The following ZNF536 variants were observed in gnomAD, a reference collection of about 807,000 sequenced individuals.
ZNF536 encodes the protein zinc finger protein 536.
In ZNF536, 13 loss-of-function variants were observed where a neutral mutation model predicts 84.5. The observed-to-expected ratio is 0.15, with a 90% CI of 0.10 to 0.24. ZNF536 has a LOEUF of 0.24. Ranked by LOEUF, ZNF536 falls within the 10% of genes least tolerant of loss-of-function variation. The probability of loss-of-function intolerance (pLI) is 1.00; values close to 1 mark genes in which losing one functional copy is unlikely to be tolerated. For missense variants in ZNF536, 1,536 were observed against 1,747.5 expected (o/e 0.88, Z 2.16); for synonymous variants, 811 against 742.5 (o/e 1.09, Z -1.50).
intron 1 of ZNF536, among the ~76,000 whole-genome samples, chr19:30,617,511 T>C (rs912372790): frequency 2.0e-5 from 3 of 151,522 alleles, no homozygotes; most frequent in East Asian, 2.0e-4. Context: ...CCACCACGCC[T>C]GGCTAATTTT....
At chr19:30,438,904 C>A (rs1441387443) in intron 1 of ZNF536, among the ~76,000 whole-genome samples, 1 of 152,064 alleles carries the variant, frequency 6.6e-6, no homozygotes, top group Non-Finnish European at 1.5e-5. Context: ...TGATCTCAAA[C>A]TCCTGGGGCT....
chr19:30,546,759 C>T (rs939426072), intron 3 of ZNF536, among the ~76,000 whole-genome samples: 1 of 152,196 alleles, frequency 6.6e-6, no homozygotes, highest in African/African-American at 2.4e-5. Flanking sequence ...TGACAGGGCA[C>T]CATTGTGAAT....
intron 3 of ZNF536, among the ~76,000 whole-genome samples, chr19:30,352,968 T>C (rs1254836987): frequency 2.0e-5 from 3 of 152,230 alleles, no homozygotes; most frequent in African/African-American, 7.2e-5. Context: ...AAGCCCAAGC[T>C]GAAGTCATAA....
At chr19:30,522,273 A>ATATATATTT (rs1342291143) in intron 2 of ZNF536, among the ~76,000 whole-genome samples, 118 of 84,762 alleles carry the variant, frequency 1.4e-3, no homozygotes, top group Non-Finnish European at 2.3e-3. Flanking sequence ...ATATATATAT[A>ATATATATTT]CATATATATA....
chr19:30,708,541 T>A (rs1050713979), intron 1 of ZNF536, among the ~76,000 whole-genome samples: 1 of 152,162 alleles, frequency 6.6e-6, no homozygotes, highest in Non-Finnish European at 1.5e-5. Context: ...GAGGACAGGC[T>A]GGCGGTGGGA....
intron 2 of ZNF536, among the ~76,000 whole-genome samples, chr19:30,344,039 G>C (rs2047649533): frequency 6.6e-6 from 1 of 151,968 alleles, no homozygotes; most frequent in African/African-American, 2.4e-5. Context: ...TGAGACCCAG[G>C]GAAGGTAGTT....
intron 1 of ZNF536, among the ~76,000 whole-genome samples, chr19:30,627,696 T>C (rs754272606): frequency 6.6e-6 from 1 of 152,146 alleles, no homozygotes; most frequent in Non-Finnish European, 1.5e-5. Context: ...CTGAAGGCTC[T>C]CATATTCTAT....
chr19:30,619,739 C>T (rs2048415622), intron 1 of ZNF536, among the ~76,000 whole-genome samples: 1 of 152,210 alleles, frequency 6.6e-6, no homozygotes, highest in Non-Finnish European at 1.5e-5. Context: ...TAATTCCCTG[C>T]TCTTCCTTGC....
At chr19:30,434,358 C>T (rs1245201266) in intron 1 of ZNF536, among the ~76,000 whole-genome samples, 3 of 152,202 alleles carry the variant, frequency 2.0e-5, no homozygotes, top group African/African-American at 7.2e-5. Flanking sequence ...CACTGCCTGG[C>T]CTGTGTCTTT....
chr19:30,417,148 ATTTTTTTT>A (rs71173904), intron 1 of ZNF536, among the ~76,000 whole-genome samples: 42 of 100,236 alleles, frequency 4.2e-4, no homozygotes, highest in South Asian at 2.0e-3. Flanking sequence ...TAATTTTTGT[ATTTTTTTT>A]TTTTTTTTTT....
intron 1 of ZNF536, among the ~76,000 whole-genome samples, chr19:30,431,619 T>C (rs184755764): frequency 3.6e-4 from 55 of 152,304 alleles, no homozygotes; most frequent in African/African-American, 1.3e-3. Context: ...GAGGCCTCTG[T>C]GAAATGAAAA....
In ZNF536 at chr19:30,403,522, T is replaced by C. The variant is rs545928730; in HGVS notation, c.-3+30966T>C. On this transcript the variant is annotated intron_variant, in intron 1 of 4. Transcript: ENST00000355537. ...CAGGTCCAGGAGGGAGAATTTGAAG[T>C]CTACAGGGGCTTCTCTCTTCTTTCT... Among the ~76,000 whole-genome samples, 5 of 152,316 alleles carry C rather than the reference T, an allele frequency of 3.3e-5. No individual in the cohort carries two copies. The South Asian group carries it at 1.0e-3, about 32-fold the overall frequency.
At chr19:30,449,599 G>A (rs529376166) in intron 2 of ZNF536, among the ~76,000 whole-genome samples, 5 of 152,328 alleles carry the variant, frequency 3.3e-5, no homozygotes, top group African/African-American at 1.2e-4. Context: ...TAATTGAAGT[G>A]TTGATGGTGG....
intron 1 of ZNF536, among the ~76,000 whole-genome samples, chr19:30,407,653 A>G (rs373722083): frequency 6.6e-6 from 1 of 152,226 alleles, no homozygotes; most frequent in East Asian, 1.9e-4. Flanking sequence ...GATCACCAAG[A>G]TGAGTTCTTT....
At chr19:30,296,646 C>T (rs961310949) in intron 2 of ZNF536, among the ~76,000 whole-genome samples, 2 of 152,308 alleles carry the variant, frequency 1.3e-5, no homozygotes, top group South Asian at 2.1e-4. Flanking sequence ...TTGCTCTCTA[C>T]CCCCAGGGAG....
intron 2 of ZNF536, among the ~76,000 whole-genome samples, chr19:30,516,781 C>G (rs77790144): frequency 3.9e-5 from 6 of 152,124 alleles, no homozygotes; most frequent in African/African-American, 1.2e-4. Flanking sequence ...CGGAGTGTGC[C>G]GGGAGGCCAG....
At chr19:30,432,018 T>TATAC (rs1555757410) in intron 1 of ZNF536, among the ~76,000 whole-genome samples, 3 of 145,640 alleles carry the variant, frequency 2.1e-5, no homozygotes, top group African/African-American at 7.6e-5. Context: ...CACACACACA[T>TATAC]ACACACACAC....
At chr19:30,446,936 A>G (rs33428) in intron 2 of ZNF536, among the ~76,000 whole-genome samples, 107,228 of 152,126 alleles carry the variant, frequency 0.7, 38,611 homozygotes, top group African/African-American at 0.8. Context: ...TTACTAATGG[A>G]TAGTAAATTG....
chr19:30,284,898 C>T (rs1281617340), intron 2 of ZNF536, among the ~76,000 whole-genome samples: 1 of 152,124 alleles, frequency 6.6e-6, no homozygotes, highest in Non-Finnish European at 1.5e-5. Context: ...CTTTATCTTG[C>T]TGGAAAAGTG....
Sources: allele counts gnomAD v4.1 joint callset (sites outside exome capture counted in the v4.1 genomes callset), GRCh38; gene constraint gnomAD v4.1.1; transcripts MANE v1.5; gene names NCBI Gene and HGNC (gene_info 2026-07-23, HGNC 2026-07-21).